PKIG: variants seen among roughly 807,000 people sequenced by gnomAD.
PKIG encodes the protein protein kinase (cAMP-dependent, catalytic) inhibitor gamma.
PKIG carries 1 observed loss-of-function variant against 6.8 expected under a neutral mutation model. The ratio of observed to expected loss-of-function variants is 0.15; its 90% CI spans 0.05 to 0.69. PKIG has a LOEUF of 0.69. Among genes scored for constraint, PKIG ranks in the 30% least tolerant of loss-of-function variants. The pLI, the probability that PKIG is intolerant of heterozygous loss-of-function variation, is 0.82. For synonymous variants in PKIG, 39 were observed against 43.0 expected (o/e 0.91, Z 0.36); for missense variants, 77 against 104.0 (o/e 0.74, Z 1.13).
chr20:44,608,952 T>A (rs1252409790), intron 2 of PKIG, among the ~76,000 whole-genome samples: 1 of 152,216 alleles, frequency 6.6e-6, no homozygotes, highest in Non-Finnish European at 1.5e-5. Context: ...CACTGTCAAG[T>A]CACTGCCCAA....
intron 2 of PKIG, among the ~76,000 whole-genome samples, chr20:44,611,052 CT>C (rs537375490): frequency 0.08 from 10,600 of 132,684 alleles, 334 homozygotes; most frequent in African/African-American, 0.17. Context: ...TATAGAATGC[CT>C]TTTTTTTTTT....
At chr20:44,596,621 T>G (rs565150105) in intron 2 of PKIG, among the ~76,000 whole-genome samples, 1 of 152,188 alleles carries the variant, frequency 6.6e-6, no homozygotes, top group Non-Finnish European at 1.5e-5. Context: ...TGTAGCAAGT[T>G]CTGGGTTCGG....
Position 44,548,854 on chromosome 20 carries a change from C to CCACACA in PKIG, c.-241+16921_-241+16926dup, listed in dbSNP as rs11469110. On this transcript the variant is annotated intron_variant, in intron 1 of 4. Transcript: ENST00000372887. ...GACATTCATCCAGCCACTCCTCCCACCACACACACACACACACACACACAC... is the reference window on the plus strand; with the variant it reads ...GACATTCATCCAGCCACTCCTCCCACCACACACACACACACACACACACACACACAC... Among the ~76,000 whole-genome samples, 369 of 135,646 alleles carry CCACACA rather than the reference C, an allele frequency of 2.7e-3. 2 individuals are homozygous for CCACACA. Among genetic ancestry groups the CCACACA allele is most frequent in the African/African-American group, 5.9e-3 (204 of 34,432 alleles). 89.0% of individuals were successfully genotyped at this position (135,646 alleles called of 152,430 possible). A position where few individuals can be genotyped will look rare whatever the true frequency, so the allele number is the denominator to read the frequency against.
rs562579266 is a variant in PKIG, at chr20:44,533,287, C to T, written c.-241+1309C>T. ...TCAAGTGATCCTCCTGTCTCAGCCT[C>T]CCAAGCAGCTGGGACTGCAGGTGCA... is the stretch of plus-strand genomic sequence containing the variant. On this transcript the variant is annotated intron_variant, in intron 1 of 4. Transcript: ENST00000372887. Among the ~76,000 whole-genome samples the T allele has an allele frequency of 2.0e-5, 3 of 152,226 alleles. No individual in the cohort carries two copies. In the South Asian group the frequency reaches 6.2e-4, roughly 32 times the overall value.
chr20:44,547,711 C>T (rs189190017), intron 1 of PKIG, among the ~76,000 whole-genome samples: 42 of 152,094 alleles, frequency 2.8e-4, no homozygotes, highest in Non-Finnish European at 3.7e-4. Context: ...GTTTCTTCGT[C>T]GGAAAAAATG....
chr20:44,582,367 G>T (rs1371851937), upstream of PKIG, among the ~76,000 whole-genome samples: 1 of 152,094 alleles, frequency 6.6e-6, no homozygotes, highest in Non-Finnish European at 1.5e-5. Context: ...TTGAAGGAAG[G>T]ATATTAGGCA....
At chr20:44,543,351 A>T (rs2123156620) in intron 1 of PKIG, among the ~76,000 whole-genome samples, 2 of 151,922 alleles carry the variant, frequency 1.3e-5, no homozygotes, top group South Asian at 2.1e-4. Context: ...TTCAAAAAGC[A>T]CTTCTAAAAT....
intron 1 of PKIG, among the ~76,000 whole-genome samples, chr20:44,566,215 A>G (rs558231398): frequency 2.0e-5 from 3 of 152,298 alleles, no homozygotes; most frequent in South Asian, 4.1e-4. Flanking sequence ...GAATACAGCT[A>G]TGTTCATTTT....
intron 2 of PKIG, among the ~76,000 whole-genome samples, chr20:44,605,534 G>GA (rs2065157029): frequency 6.6e-6 from 1 of 151,732 alleles, no homozygotes; most frequent in African/African-American, 2.4e-5. Flanking sequence ...GAGATAGGTA[G>GA]AAAAAATTAA....
chr20:44,605,565 C>G (rs1293503312), intron 2 of PKIG, among the ~76,000 whole-genome samples: 3 of 151,898 alleles, frequency 2.0e-5, no homozygotes, highest in Non-Finnish European at 4.4e-5. Flanking sequence ...TAATTCATAC[C>G]TTATTACAGA....
intron 1 of PKIG, among the ~76,000 whole-genome samples, chr20:44,559,913 T>C (rs539029283): frequency 6.6e-6 from 1 of 152,214 alleles, no homozygotes; most frequent in East Asian, 1.9e-4. Flanking sequence ...TATTTAACAT[T>C]TTGATGTAGC....
At chr20:44,607,704 A>T (rs1337735757) in intron 2 of PKIG, among the ~76,000 whole-genome samples, 2 of 119,692 alleles carry the variant, frequency 1.7e-5, no homozygotes, top group East Asian at 2.4e-4. Flanking sequence ...TTTTTTTTTG[A>T]GACGGAGTCT....
upstream of PKIG, among the ~76,000 whole-genome samples, chr20:44,577,650 A>C (rs767187639): frequency 2.0e-5 from 3 of 152,218 alleles, no homozygotes; most frequent in Non-Finnish European, 2.9e-5. Flanking sequence ...GTCTAGAAAA[A>C]GCATGGACCT....
chr20:44,563,240 G>A (rs1456194515), intron 1 of PKIG, among the ~76,000 whole-genome samples: 1 of 152,098 alleles, frequency 6.6e-6, no homozygotes, highest in East Asian at 1.9e-4. Flanking sequence ...AAAATCATAA[G>A]CCCTTTTACT....
intron 2 of PKIG, among the ~76,000 whole-genome samples, chr20:44,594,190 T>G (rs976254032): frequency 6.6e-6 from 1 of 152,236 alleles, no homozygotes; most frequent in African/African-American, 2.4e-5. Context: ...CCAAAACGAC[T>G]TCTTTAATTT....
intron 1 of PKIG, among the ~76,000 whole-genome samples, chr20:44,544,322 T>C (rs976626598): frequency 1.3e-5 from 2 of 152,092 alleles, no homozygotes; most frequent in African/African-American, 4.8e-5. Context: ...TTTTTTTCTA[T>C]GAGTAGGTGA....
At chr20:44,534,751 G>T (rs974640297) in intron 1 of PKIG, among the ~76,000 whole-genome samples, 3 of 152,102 alleles carry the variant, frequency 2.0e-5, no homozygotes, top group African/African-American at 7.2e-5. Context: ...TTACAGGCAT[G>T]AGCCACTGCG....
At chr20:44,603,599 T>A (rs1342921961) in intron 2 of PKIG, among the ~76,000 whole-genome samples, 3 of 152,182 alleles carry the variant, frequency 2.0e-5, no homozygotes, top group Non-Finnish European at 4.4e-5. Flanking sequence ...TTAGGACCGC[T>A]AGATCAAGAA....
At chr20:44,617,546 G>C (rs912065764) in intron 3 of PKIG, among the ~76,000 whole-genome samples, 1 of 152,062 alleles carries the variant, frequency 6.6e-6, no homozygotes, top group Non-Finnish European at 1.5e-5. Context: ...AGGAGACTTG[G>C]CTTGTATCCT....
Sources: allele counts gnomAD v4.1 joint callset (sites outside exome capture counted in the v4.1 genomes callset), GRCh38; gene constraint gnomAD v4.1.1; transcripts MANE v1.5; gene names NCBI Gene and HGNC (gene_info 2026-07-23, HGNC 2026-07-21).